GRXCR1: variants seen among roughly 807,000 people sequenced by gnomAD.
GRXCR1 encodes glutaredoxin and cysteine rich domain containing 1.
A neutral mutation model predicts 27.3 loss-of-function variants in GRXCR1; 27 were observed. The ratio of observed to expected loss-of-function variants is 0.99; its 90% CI spans 0.73 to 1.37. GRXCR1 has a LOEUF of 1.37. Among genes scored for constraint, GRXCR1 ranks in the 40% most tolerant of loss-of-function variants. The pLI is 0.00. For synonymous variants in GRXCR1, 122 were observed against 131.1 expected (o/e 0.93, Z 0.47); for missense variants, 379 against 354.4 (o/e 1.07, Z -0.56).
intron 1 of GRXCR1, among the ~76,000 whole-genome samples, chr4:42,953,023 G>A (rs968477406): frequency 6.6e-6 from 1 of 152,104 alleles, no homozygotes; most frequent in African/African-American, 2.4e-5. Flanking sequence ...ATAATAAATA[G>A]GCATTCTAGT....
chr4:43,011,536 A>T (rs539489478), intron 2 of GRXCR1, among the ~76,000 whole-genome samples: 2 of 152,264 alleles, frequency 1.3e-5, no homozygotes, highest in Admixed American at 1.3e-4. Context: ...CATTGTTGAC[A>T]GCTCCTGGGT....
intron 1 of GRXCR1, among the ~76,000 whole-genome samples, chr4:42,931,829 T>G (rs1234532708): frequency 6.6e-6 from 1 of 151,934 alleles, no homozygotes; most frequent in African/African-American, 2.4e-5. Context: ...ACGCTGCTAA[T>G]AAAGACATAC....
chr4:42,917,185 C>T (rs983011279), intron 1 of GRXCR1, among the ~76,000 whole-genome samples: 8 of 152,102 alleles, frequency 5.3e-5, no homozygotes, highest in Admixed American at 3.3e-4. Context: ...ATTTCTCTGT[C>T]TATCTATTTA....
At chr4:43,002,923 T>A (rs113816715) in intron 2 of GRXCR1, among the ~76,000 whole-genome samples, 4,717 of 152,274 alleles carry the variant, frequency 0.031, 80 homozygotes, top group African/African-American at 0.039. Context: ...GGAAGAAACC[T>A]GGTGGGAGCT....
chr4:42,980,387 C>A (rs1421948966), intron 2 of GRXCR1, among the ~76,000 whole-genome samples: 1 of 151,668 alleles, frequency 6.6e-6, no homozygotes, highest in African/African-American at 2.4e-5. Context: ...GTTTTAATTT[C>A]TTCATTCAAC....
chr4:42,983,362 T>C (rs1577931420), intron 2 of GRXCR1, among the ~76,000 whole-genome samples: 1 of 148,534 alleles, frequency 6.7e-6, no homozygotes, highest in Admixed American at 6.8e-5. Context: ...GATCAGATAG[T>C]TGTAGATATG....
intron 2 of GRXCR1, among the ~76,000 whole-genome samples, chr4:43,006,894 C>A (rs1363239620): frequency 6.6e-6 from 1 of 152,176 alleles, no homozygotes; most frequent in African/African-American, 2.4e-5. Flanking sequence ...TTTAAAATTT[C>A]TCTCTTTTGT....
intron 1 of GRXCR1, among the ~76,000 whole-genome samples, chr4:42,897,184 A>T (rs913355472): frequency 4.5e-4 from 69 of 152,294 alleles, no homozygotes; most frequent in African/African-American, 1.6e-3. Flanking sequence ...GATTTGAGAT[A>T]TACTTTGCTG....
At chr4:43,003,775 T>G (rs1224087372) in intron 2 of GRXCR1, among the ~76,000 whole-genome samples, 1 of 152,196 alleles carries the variant, frequency 6.6e-6, no homozygotes, top group Non-Finnish European at 1.5e-5. Flanking sequence ...TACAATCACA[T>G]GCATTCACAA....
At chr4:42,955,171 T>C (rs1560663465) in intron 1 of GRXCR1, among the ~76,000 whole-genome samples, 1 of 152,112 alleles carries the variant, frequency 6.6e-6, no homozygotes, top group Non-Finnish European at 1.5e-5. Context: ...GTTTGCCTAC[T>C]GACGTGCTGT....
chr4:42,984,062 C>G (rs945147899), intron 2 of GRXCR1, among the ~76,000 whole-genome samples: 6 of 152,140 alleles, frequency 3.9e-5, no homozygotes, highest in Admixed American at 3.9e-4. Context: ...TCTCGAACTC[C>G]TGACCTCAGG....
chr4:42,906,421 T>A (rs1746592419), intron 1 of GRXCR1, among the ~76,000 whole-genome samples: 1 of 152,168 alleles, frequency 6.6e-6, no homozygotes, highest in Admixed American at 6.5e-5. Flanking sequence ...AAATAAAGTA[T>A]AAAACACAGT....
At position 42,978,433 on chromosome 4, in the gene GRXCR1, G is replaced by A. The variant is rs571773068; in HGVS notation, c.627+15299G>A. Among the ~76,000 whole-genome samples, 11 of 152,030 alleles carry A rather than the reference G, an allele frequency of 7.2e-5. No individual in the cohort carries two copies. In the South Asian group the frequency reaches 2.3e-3, roughly 32 times the overall value. ...TTTTATTAATATTCTTCTAATCTAT[G>A]AACTCAGAATATCTGTTCATTTATT... On this transcript the variant is annotated intron_variant, in intron 2 of 3. Transcript: ENST00000399770.
intron 2 of GRXCR1, among the ~76,000 whole-genome samples, chr4:43,010,051 C>T (rs1445993969): frequency 6.6e-6 from 1 of 152,102 alleles, no homozygotes; most frequent in Non-Finnish European, 1.5e-5. Flanking sequence ...GTTGAACTCT[C>T]ACTTCATGGT....
intron 1 of GRXCR1, among the ~76,000 whole-genome samples, chr4:42,937,140 A>G (rs1747478596): frequency 2.0e-5 from 3 of 151,926 alleles, no homozygotes; most frequent in Admixed American, 6.6e-5. Flanking sequence ...TATGTATATC[A>G]GTGTGGACTC....
intron 2 of GRXCR1, among the ~76,000 whole-genome samples, chr4:42,980,990 A>G (rs1748651923): frequency 6.7e-6 from 1 of 150,158 alleles, no homozygotes; most frequent in Admixed American, 6.6e-5. Flanking sequence ...CAGCTACTGT[A>G]TCTTTTTATT....
At chr4:42,971,202 G>A (rs1748378897) in intron 2 of GRXCR1, among the ~76,000 whole-genome samples, 1 of 152,086 alleles carries the variant, frequency 6.6e-6, no homozygotes, top group Admixed American at 6.6e-5. Context: ...TTTTGGTCAA[G>A]TCCATTCAAC....
At chr4:42,977,948 G>T (rs1185772090) in intron 2 of GRXCR1, among the ~76,000 whole-genome samples, 2 of 151,904 alleles carry the variant, frequency 1.3e-5, no homozygotes, top group African/African-American at 4.8e-5. Flanking sequence ...CCTATGTTTA[G>T]GTCTGTAATC....
chr4:42,902,418 A>C (rs530863854), intron 1 of GRXCR1, among the ~76,000 whole-genome samples: 12 of 152,240 alleles, frequency 7.9e-5, no homozygotes, highest in Middle Eastern at 3.4e-3. Flanking sequence ...GCTGAGGATA[A>C]TGGCTTCCAA....
Sources: allele counts gnomAD v4.1 joint callset (sites outside exome capture counted in the v4.1 genomes callset), GRCh38; gene constraint gnomAD v4.1.1; transcripts MANE v1.5; gene names NCBI Gene and HGNC (gene_info 2026-07-23, HGNC 2026-07-21).